The following ZNF652 variants were observed in gnomAD, a reference collection of about 807,000 sequenced individuals.
ZNF652 encodes the protein zinc finger protein 652.
A neutral mutation model predicts 45.2 loss-of-function variants in ZNF652; 16 were observed. That is an observed-to-expected ratio of 0.35 (90% CI 0.24 to 0.54). ZNF652 has a LOEUF of 0.54. ZNF652 is among the 20% of genes least tolerant of loss of function. The pLI, the probability that ZNF652 is intolerant of heterozygous loss-of-function variation, is 0.91. For synonymous variants in ZNF652, 250 were observed against 260.6 expected, an observed-to-expected ratio of 0.96 and a Z score of 0.39; for missense variants, 614 against 765.6, an observed-to-expected ratio of 0.80 and a Z score of 2.34.
At chr17:49,350,895 G>A (rs944155783) in intron 1 of ZNF652, among the ~76,000 whole-genome samples, 5 of 149,448 alleles carry the variant, frequency 3.3e-5, no homozygotes, top group Admixed American at 2.0e-4. Flanking sequence ...GCTTGAACCC[G>A]AGAGGCAGAG....
rs577859358 is a variant in ZNF652, at chr17:49,354,441, G to A, written c.-259+7468C>T. 2.2e-3 allele frequency among the ~76,000 whole-genome samples: 339 copies of A among 151,736 alleles called. 1 individual carries two copies. Among genetic ancestry groups the A allele is most frequent in the African/African-American group, 7.7e-3 (317 of 41,430 alleles). On this transcript the variant is annotated intron_variant, in intron 1 of 5. Coordinates refer to ENST00000430262, the MANE Select transcript of ZNF652 (RefSeq NM_001145365.3). Reference sequence around the variant, plus strand: ...TATTTTCCAAGATAATTTGGCTTTAGCCACCAGCAGACTATAAATAACTTA... The same window carrying A: ...TATTTTCCAAGATAATTTGGCTTTAACCACCAGCAGACTATAAATAACTTA...
intron 1 of ZNF652, chr17:49,322,243 A>C (rs143651319): frequency 4.5e-4 from 69 of 152,382 alleles, no homozygotes; most frequent in African/African-American, 1.5e-3. Flanking sequence ...AATAACTCAG[A>C]AATAATGTTA....
In ZNF652 at chr17:49,317,818, C is replaced by A. The variant is rs1402269107; in HGVS notation, c.-93G>T. Reference sequence around the variant, plus strand: ...TAAGACTCAAATCTTTTCTCATCCACAAAGAATCACTCAAATGAAAAAAAG... The same window carrying A: ...TAAGACTCAAATCTTTTCTCATCCAAAAAGAATCACTCAAATGAAAAAAAG... On this transcript the variant is annotated 5_prime_UTR_variant, in exon 2 of 6. Coordinates refer to ENST00000430262, the MANE Select transcript of ZNF652 (RefSeq NM_001145365.3). 8.7e-6 allele frequency: 11 copies of A among 1,259,546 alleles called. No individual in the cohort carries two copies. In the Admixed American group the frequency reaches 2.6e-4, roughly 30 times the overall value. 78.0% of individuals were successfully genotyped at this position (1,259,546 alleles called of 1,614,324 possible). A position where few individuals can be genotyped will look rare whatever the true frequency, so the allele number is the denominator to read the frequency against.
At chr17:49,302,849 C>T (rs1020161371) in intron 5 of ZNF652, among the ~76,000 whole-genome samples, 8 of 151,898 alleles carry the variant, frequency 5.3e-5, no homozygotes, top group Non-Finnish European at 1.0e-4. Flanking sequence ...GTAGTCCCAG[C>T]TGCTGGGGAG....
chr17:49,353,483 T>C (rs183847700), intron 1 of ZNF652, among the ~76,000 whole-genome samples: 2 of 148,086 alleles, frequency 1.4e-5, no homozygotes, highest in African/African-American at 4.9e-5. Flanking sequence ...TTCTTTAAAA[T>C]TTTTTTTTTT....
downstream of ZNF652, among the ~76,000 whole-genome samples, chr17:49,288,926 C>G (rs181168279): frequency 2.6e-5 from 4 of 152,092 alleles, no homozygotes; most frequent in Non-Finnish European, 4.4e-5. Flanking sequence ...GATTATTGCT[C>G]GGCTGAACAA....
Position 49,311,912 on chromosome 17 carries a change from T to G in ZNF652, c.1164+15A>C. 1 of 1,604,110 alleles carries G rather than the reference T, an allele frequency of 6.2e-7. No individual in the cohort carries two copies. Among genetic ancestry groups the G allele is most frequent in the Non-Finnish European group, 8.5e-7 (1 of 1,171,596 alleles). On this transcript the variant is annotated intron_variant, in intron 4 of 5. Coordinates refer to ENST00000430262, the MANE Select transcript of ZNF652 (RefSeq NM_001145365.3). ...TAGCCCCTAGGCCTGGGCCTGTAGGTAGCACATTCCTTACCTCGCATCTAA... is the reference window on the plus strand; with the variant it reads ...TAGCCCCTAGGCCTGGGCCTGTAGGGAGCACATTCCTTACCTCGCATCTAA...
chr17:49,329,818 TACTACCTA>T (rs1277258786), intron 1 of ZNF652, among the ~76,000 whole-genome samples: 1 of 152,204 alleles, frequency 6.6e-6, no homozygotes, highest in African/African-American at 2.4e-5. Context: ...TCTTCCTAGG[TACTACCTA>T]ATTACCTTCA....
At chr17:49,304,840 T>C (rs2069605044) in intron 5 of ZNF652, among the ~76,000 whole-genome samples, 1 of 151,672 alleles carries the variant, frequency 6.6e-6, no homozygotes, top group African/African-American at 2.4e-5. Flanking sequence ...TTAGGGTGAA[T>C]ATCCTTGGGC....
chr17:49,293,675 A>T lies in ZNF652; in HGVS notation c.*4738T>A. 7.0e-6 allele frequency among the ~76,000 whole-genome samples: 1 copy of T among 142,544 alleles called. No individual in the cohort carries two copies. The highest frequency in any genetic ancestry group is 7.2e-5 in the Admixed American group (1 of 13,932). The allele number at this position is 142,544 out of a possible 152,430, so 93.5% of individuals were successfully genotyped here. A position where few individuals can be genotyped will look rare whatever the true frequency, so the allele number is the denominator to read the frequency against. On this transcript the variant is annotated 3_prime_UTR_variant, in exon 6 of 6. Coordinates refer to ENST00000430262, the MANE Select transcript of ZNF652 (RefSeq NM_001145365.3). The stretch of plus-strand genomic sequence containing the variant: ...ATTCCTAAAAAAAAAAAAAAAAAAA[A>T]AAAAAAAAAACTCTTAAGTAATTTC...
intron 5 of ZNF652, among the ~76,000 whole-genome samples, chr17:49,309,690 C>G (rs1275047775): frequency 2.0e-5 from 3 of 152,186 alleles, no homozygotes; most frequent in Non-Finnish European, 4.4e-5. Context: ...ATGTATCCTG[C>G]TATCCACTTG....
intron 1 of ZNF652, among the ~76,000 whole-genome samples, chr17:49,318,551 G>A (rs1386031948): frequency 6.6e-6 from 1 of 152,172 alleles, no homozygotes; most frequent in Non-Finnish European, 1.5e-5. Context: ...GCTTAGCACA[G>A]TGTCTAGCAT....
At chr17:49,342,183 T>C (rs1285338383) in intron 1 of ZNF652, among the ~76,000 whole-genome samples, 1 of 149,054 alleles carries the variant, frequency 6.7e-6, no homozygotes, top group Non-Finnish European at 1.5e-5. Flanking sequence ...CAAGACTCAG[T>C]CTCAAAAAAA....
chr17:49,297,935 C>T lies in ZNF652; in HGVS notation c.*478G>A, dbSNP rs558276927. 131 of 160,120 alleles carry T rather than the reference C, an allele frequency of 8.2e-4. No individual in the cohort carries two copies. The highest frequency in any genetic ancestry group is 3.3e-3 in the Middle Eastern group (1 of 300). 9.9% of individuals were successfully genotyped at this position (160,120 alleles called of 1,614,324 possible). Reference sequence around the variant, plus strand: ...CTATAATGCTTGATATACTGTGAAACATGGCCAGCTCAACTCTGTAGCTGG... The same window carrying T: ...CTATAATGCTTGATATACTGTGAAATATGGCCAGCTCAACTCTGTAGCTGG... On this transcript the variant is annotated 3_prime_UTR_variant, in exon 6 of 6. Coordinates refer to ENST00000430262, the MANE Select transcript of ZNF652 (RefSeq NM_001145365.3).
chr17:49,328,674 T>C lies in ZNF652; in HGVS notation c.-258-10691A>G, dbSNP rs553376220. 5.9e-5 allele frequency among the ~76,000 whole-genome samples: 9 copies of C among 152,318 alleles called. No homozygotes were observed. In the East Asian group the frequency reaches 1.3e-3, roughly 23 times the overall value. ...CTTCCCCCTTTGCATTCTGCCATGA[T>C]TGTACACTTTCTGAGGCCCTTAACA... is the stretch of plus-strand genomic sequence containing the variant. On this transcript the variant is annotated intron_variant, in intron 1 of 5. Coordinates refer to ENST00000430262, the MANE Select transcript of ZNF652 (RefSeq NM_001145365.3).
At chr17:49,357,723 C>T (rs1481780387) in intron 1 of ZNF652, among the ~76,000 whole-genome samples, 3 of 152,268 alleles carry the variant, frequency 2.0e-5, no homozygotes, top group South Asian at 4.1e-4. Context: ...CATTGAGATA[C>T]GTTAATGTCC....
Position 49,294,955 on chromosome 17 carries a change from C to A in ZNF652, c.*3458G>T, listed in dbSNP as rs9914524. On this transcript the variant is annotated 3_prime_UTR_variant, in exon 6 of 6. Coordinates refer to ENST00000430262, the MANE Select transcript of ZNF652 (RefSeq NM_001145365.3). The stretch of plus-strand genomic sequence containing the variant: ...GTAGCATATATGGAAGAGAACATAC[C>A]ACATAATGCAACTTTTATCTTACAA... The A allele has an allele frequency of 6.6e-6, 1 of 152,052 alleles. No individual in the cohort carries two copies. The highest frequency in any genetic ancestry group is 1.5e-5 in the Non-Finnish European group (1 of 68,004). 9.4% of individuals were successfully genotyped at this position (152,052 alleles called of 1,614,324 possible). A position where few individuals can be genotyped will look rare whatever the true frequency, so the allele number is the denominator to read the frequency against.
intron 1 of ZNF652, among the ~76,000 whole-genome samples, chr17:49,342,101 G>A (rs942932290): frequency 6.6e-6 from 1 of 151,620 alleles, no homozygotes; most frequent in African/African-American, 2.4e-5. Context: ...CAGGAGAATC[G>A]CTTTAACCCG....
rs780406682 is a variant in ZNF652, at chr17:49,298,378, C to T, written c.*35G>A. Reference sequence around the variant, plus strand: ...CTCTGTGCACGCTCACACATGGGGACGTGTCTCCTGGAGAACACACTAAGG... The same window carrying T: ...CTCTGTGCACGCTCACACATGGGGATGTGTCTCCTGGAGAACACACTAAGG... On this transcript the variant is annotated 3_prime_UTR_variant, in exon 6 of 6. Transcript: ENST00000430262. 3.9e-5 allele frequency: 62 copies of T among 1,610,112 alleles called. No individual in the cohort carries two copies. The highest frequency in any genetic ancestry group is 4.7e-5 in the Non-Finnish European group (56 of 1,178,974).
Sources: allele counts gnomAD v4.1 joint callset (sites outside exome capture counted in the v4.1 genomes callset), GRCh38; gene constraint gnomAD v4.1.1; transcripts MANE v1.5; gene names NCBI Gene and HGNC (gene_info 2026-07-23, HGNC 2026-07-21).